Variants in DCLK2 observed in about 807,000 individuals in gnomAD.
DCLK2 encodes the protein doublecortin like kinase 2.
DCLK2 carries 31 observed loss-of-function variants against 78.4 expected under a neutral mutation model. The ratio of observed to expected loss-of-function variants is 0.40; its 90% CI spans 0.30 to 0.53. The LOEUF (loss-of-function observed/expected upper bound fraction) is 0.53. DCLK2 is among the 20% of genes least tolerant of loss of function. The probability of loss-of-function intolerance (pLI) is 0.61; values close to 1 mark genes in which losing one functional copy is unlikely to be tolerated. For missense variants in DCLK2, 872 were observed against 973.7 expected (o/e 0.90, Z 1.39); for synonymous variants, 407 against 374.9 (o/e 1.09, Z -0.99).
At chr4:150,143,147 G>T (rs773026155) in intron 2 of DCLK2, among the ~76,000 whole-genome samples, 10 of 152,122 alleles carry the variant, frequency 6.6e-5, no homozygotes, top group Non-Finnish European at 1.3e-4. Context: ...GTATTTCATA[G>T]TGTGTGTGTT....
chr4:150,205,180 G>A (rs7699907), intron 5 of DCLK2, among the ~76,000 whole-genome samples: 133,158 of 152,042 alleles, frequency 0.88, 58,711 homozygotes, highest in Middle Eastern at 0.96. Flanking sequence ...GCATGAGTGA[G>A]GAGTGGGAAC....
At chr4:150,184,000 C>T (rs890822741) in intron 2 of DCLK2, among the ~76,000 whole-genome samples, 1 of 152,160 alleles carries the variant, frequency 6.6e-6, no homozygotes, top group African/African-American at 2.4e-5. Flanking sequence ...TCCCTAAGTG[C>T]TGGGATTACA....
intron 2 of DCLK2, among the ~76,000 whole-genome samples, chr4:150,171,999 C>T (rs1321018820): frequency 6.6e-6 from 1 of 152,164 alleles, no homozygotes; most frequent in East Asian, 1.9e-4. Flanking sequence ...TTATTGCCTT[C>T]TCATCTGCGT....
rs781705177 is a variant in DCLK2 at position 150,124,577 on chromosome 4, A to G, written c.756+21765A>G. On this transcript the variant is annotated intron_variant, in intron 2 of 15. Transcript: ENST00000296550. Reference sequence around the variant, plus strand: ...GTTTATTAAACACCTAGTCTTTTACATTGTATATTTTTGTGGTAAAATATT... The same window carrying G: ...GTTTATTAAACACCTAGTCTTTTACGTTGTATATTTTTGTGGTAAAATATT... Among the ~76,000 whole-genome samples the G allele has an allele frequency of 2.0e-4, 31 of 152,296 alleles. No homozygotes were observed. In the South Asian group the frequency reaches 3.3e-3, roughly 16 times the overall value.
intron 1 of DCLK2, among the ~76,000 whole-genome samples, chr4:150,098,482 T>C (rs1217031241): frequency 1.3e-5 from 2 of 152,318 alleles, no homozygotes; most frequent in South Asian, 2.1e-4. Flanking sequence ...AAAAAATACA[T>C]ATGCGTGGTC....
intron 2 of DCLK2, among the ~76,000 whole-genome samples, chr4:150,162,685 G>A (rs1174684329): frequency 6.6e-6 from 1 of 151,662 alleles, no homozygotes; most frequent in African/African-American, 2.4e-5. Context: ...GGCCCAGGCT[G>A]GTCTCAAACT....
chr4:150,103,251 T>C (rs550286771), intron 2 of DCLK2, among the ~76,000 whole-genome samples: 1 of 152,236 alleles, frequency 6.6e-6, no homozygotes, highest in Admixed American at 6.5e-5. Context: ...CACTTACATA[T>C]AATAGGGAAA....
intron 8 of DCLK2, 78 bp from the exon 9 acceptor site, chr4:150,232,259 G>GT: frequency 1.9e-6 from 3 of 1,541,018 alleles, no homozygotes; most frequent in Non-Finnish European, 2.6e-6. Context: ...GGCTGTGTTT[G>GT]TTTTGCTGTC....
At chr4:150,204,639 C>T (rs1191714385) in intron 5 of DCLK2, among the ~76,000 whole-genome samples, 4 of 152,174 alleles carry the variant, frequency 2.6e-5, no homozygotes, top group African/African-American at 9.7e-5. Context: ...CGCCTGTAAT[C>T]CCAGCACTTT....
At chr4:150,135,196 T>TACACACACACACACACACA (rs1733609028) in intron 2 of DCLK2, among the ~76,000 whole-genome samples, 1 of 106,838 alleles carries the variant, frequency 9.4e-6, no homozygotes, top group African/African-American at 4.0e-5. Flanking sequence ...ACACACACTG[T>TACACACACACACACACACA]CTCTCTCAGT....
chr4:150,254,219 G>T (rs184938214), intron 15 of DCLK2, among the ~76,000 whole-genome samples: 205 of 152,326 alleles, frequency 1.3e-3, no homozygotes, highest in African/African-American at 4.8e-3. Flanking sequence ...GAGAAGGGAC[G>T]GATTCAAGGG....
chr4:150,139,968 C>T (rs1734000827), intron 2 of DCLK2, among the ~76,000 whole-genome samples: 1 of 152,072 alleles, frequency 6.6e-6, no homozygotes, highest in South Asian at 2.1e-4. Context: ...GCAAATTATC[C>T]TTCTAGAATG....
At chr4:150,200,810 C>T (rs1013239505) in intron 4 of DCLK2, among the ~76,000 whole-genome samples, 2 of 152,136 alleles carry the variant, frequency 1.3e-5, no homozygotes, top group Non-Finnish European at 2.9e-5. Flanking sequence ...ATGTAAAAAG[C>T]ACATAGATAT....
At chr4:150,080,721 C>T (rs971038209) in intron 1 of DCLK2, among the ~76,000 whole-genome samples, 14 of 152,234 alleles carry the variant, frequency 9.2e-5, no homozygotes, top group Non-Finnish European at 1.8e-4. Context: ...TTCTCGTCTA[C>T]GATTCACCTC....
At chr4:150,121,591 A>G (rs539164311) in intron 2 of DCLK2, among the ~76,000 whole-genome samples, 2 of 152,236 alleles carry the variant, frequency 1.3e-5, no homozygotes, top group East Asian at 1.9e-4. Context: ...GTTGGTATCA[A>G]CTTCTTCCAG....
At chr4:150,238,082 T>C (rs114427193) in intron 10 of DCLK2, among the ~76,000 whole-genome samples, 2,232 of 152,368 alleles carry the variant, frequency 0.015, 59 homozygotes, top group African/African-American at 0.051. Context: ...ATGAAATTAT[T>C]ATGAAACCAA....
intron 10 of DCLK2, among the ~76,000 whole-genome samples, 182 bp downstream of exon 10, chr4:150,233,010 A>G (rs1453756261): frequency 1.3e-5 from 2 of 152,198 alleles, no homozygotes; most frequent in African/African-American, 2.4e-5. Context: ...ATTTTTCTGC[A>G]TTTGTTATTT....
At chr4:150,191,739 T>C (rs2126363854) in intron 2 of DCLK2, among the ~76,000 whole-genome samples, 1 of 152,320 alleles carries the variant, frequency 6.6e-6, no homozygotes, top group African/African-American at 2.4e-5. Context: ...GTCTGTGCAG[T>C]CAACTTCTTG....
At chr4:150,184,803 A>G (rs111644223) in intron 2 of DCLK2, among the ~76,000 whole-genome samples, 43 of 152,058 alleles carry the variant, frequency 2.8e-4, no homozygotes, top group African/African-American at 9.9e-4. Context: ...GGGTTTCACC[A>G]TATTAGCCAG....
Sources: gnomAD v4.1 joint callset for allele counts (sites outside exome capture counted in the v4.1 genomes callset) on GRCh38, gnomAD v4.1.1 for gene constraint, MANE v1.5 for transcripts, NCBI Gene and HGNC (gene_info 2026-07-23, HGNC 2026-07-21) for gene names.